TRAM1: variants seen among roughly 807,000 people sequenced by gnomAD.
TRAM1 encodes translocation associated membrane protein 1.
A neutral mutation model predicts 48.7 loss-of-function variants in TRAM1; 17 were observed. The observed-to-expected ratio is 0.35, with a 90% CI of 0.24 to 0.52. The LOEUF (loss-of-function observed/expected upper bound fraction) is 0.52, where lower values mean the gene tolerates loss of function less well. Among genes scored for constraint, TRAM1 ranks in the 20% least tolerant of loss-of-function variants. TRAM1 has a pLI of 0.94. For synonymous variants in TRAM1, 182 were observed against 154.0 expected (o/e 1.18, Z -1.34); for missense variants, 351 against 441.5 (o/e 0.79, Z 1.84).
At chr8:70,593,575 T>C (rs1817414809) in intron 6 of TRAM1, among the ~76,000 whole-genome samples, 1 of 143,948 alleles carries the variant, frequency 6.9e-6, no homozygotes, top group Admixed American at 7.0e-5. Context: ...AAATCCCACA[T>C]AGGATTTCAT....
chr8:70,581,752 C>T (rs779344905), intron 10 of TRAM1, among the ~76,000 whole-genome samples: 78 of 152,198 alleles, frequency 5.1e-4, no homozygotes, highest in Non-Finnish European at 9.1e-4. Flanking sequence ...ATATGGTATA[C>T]ATCCATCCAA....
intron 1 of TRAM1, among the ~76,000 whole-genome samples, chr8:70,603,146 G>A (rs1325823370): frequency 3.3e-5 from 5 of 152,142 alleles, no homozygotes; most frequent in Admixed American, 6.5e-5. Context: ...ACGATGACAT[G>A]AGTCTCCAGG....
chr8:70,594,462 A>G (rs1267387357), intron 6 of TRAM1, 44 bp downstream of exon 6: 2 of 1,535,706 alleles, frequency 1.3e-6, no homozygotes, highest in Non-Finnish European at 1.8e-6. Flanking sequence ...TTTCAAAAAA[A>G]AAAATGACAA....
chr8:70,579,690 T>A (rs1045896838), intron 10 of TRAM1, among the ~76,000 whole-genome samples: 5 of 152,144 alleles, frequency 3.3e-5, no homozygotes, highest in Admixed American at 1.3e-4. Flanking sequence ...GGACAAAAAC[T>A]CTTAGTAAAT....
At chr8:70,600,963 G>A (rs894303388) in intron 1 of TRAM1, among the ~76,000 whole-genome samples, 2 of 152,324 alleles carry the variant, frequency 1.3e-5, no homozygotes, top group Admixed American at 1.3e-4. Flanking sequence ...TGCACATCAG[G>A]AAGCGTTAGA....
At chr8:70,601,853 C>A (rs112242150) in intron 1 of TRAM1, among the ~76,000 whole-genome samples, 131 of 152,288 alleles carry the variant, frequency 8.6e-4, no homozygotes, top group African/African-American at 2.9e-3. Context: ...GCAGCTAAAA[C>A]CTAAGTCTAG....
chr8:70,596,144 A>G lies in TRAM1; in HGVS notation c.485+119T>C, dbSNP rs542841200. 6 of 693,720 alleles carry G rather than the reference A, an allele frequency of 8.6e-6. No individual in the cohort carries two copies. The South Asian group carries it at 2.5e-4, about 29-fold the overall frequency. 43.0% of individuals were successfully genotyped at this position (693,720 alleles called of 1,614,324 possible). ...ACGGCAGTGGGACTGTCAAAGACAT[A>G]TTTTCATCTATTTTATGCATTTGCC... On this transcript the variant is annotated intron_variant, in intron 5 of 10. Coordinates refer to ENST00000262213, the MANE Select transcript of TRAM1 (RefSeq NM_014294.6).
At position 70,587,187 on chromosome 8, in the gene TRAM1, A is replaced by G. The variant is rs766509790; in HGVS notation, c.571-11T>C. The G allele has an allele frequency of 1.2e-6, 2 of 1,610,974 alleles. No individual in the cohort carries two copies. The highest frequency in any genetic ancestry group is 1.1e-5 in the South Asian group (1 of 90,966). On this transcript the variant is annotated splice_polypyrimidine_tract_variant and intron_variant, in intron 6 of 10. Coordinates refer to ENST00000262213, the MANE Select transcript of TRAM1 (RefSeq NM_014294.6). ...ACGAGGAATATCTTCCTGTAAAAAA[A>G]TACATTATAGATTAAAACATGCTAA...
rs200441972 is a variant in TRAM1, at chr8:70,590,201, G to A, written c.571-3025C>T. 1.1e-4 allele frequency among the ~76,000 whole-genome samples: 17 copies of A among 148,042 alleles called. No homozygotes were observed. The East Asian group carries it at 3.1e-3, about 27-fold the overall frequency. On this transcript the variant is annotated intron_variant, in intron 6 of 10. Transcript: ENST00000262213. ...ATAATGTAATGTAACTACTTAGGAG[G>A]ATTTTTTTTTTTTTAATTTAAAAGA...
At chr8:70,603,041 G>A (rs765790458) in intron 1 of TRAM1, among the ~76,000 whole-genome samples, 8 of 152,042 alleles carry the variant, frequency 5.3e-5, no homozygotes, top group Non-Finnish European at 1.2e-4. Context: ...GTGAGTTGCC[G>A]AACTGGGTTA....
At chr8:70,582,364 T>C (rs1817097406) in intron 10 of TRAM1, among the ~76,000 whole-genome samples, 1 of 151,590 alleles carries the variant, frequency 6.6e-6, no homozygotes, top group Admixed American at 6.6e-5. Flanking sequence ...GCATGATCAT[T>C]GTGCACTGTA....
chr8:70,585,091 A>G (rs1409312391), intron 8 of TRAM1, among the ~76,000 whole-genome samples: 1 of 152,244 alleles, frequency 6.6e-6, no homozygotes, highest in African/African-American at 2.4e-5. Context: ...GATATAGATC[A>G]ATGGAACAGA....
At chr8:70,592,300 C>A (rs1817383352) in intron 6 of TRAM1, among the ~76,000 whole-genome samples, 1 of 152,122 alleles carries the variant, frequency 6.6e-6, no homozygotes, top group Non-Finnish European at 1.5e-5. Context: ...TAACAGCGTT[C>A]CTTTCTTTCC....
At chr8:70,595,038 G>GTTTT (rs11464494) in intron 5 of TRAM1, among the ~76,000 whole-genome samples, 23 of 146,022 alleles carry the variant, frequency 1.6e-4, no homozygotes, top group Non-Finnish European at 2.2e-4. Flanking sequence ...AATATCCTCT[G>GTTTT]TTTTTTTTTT....
intron 10 of TRAM1, among the ~76,000 whole-genome samples, chr8:70,575,472 G>A (rs1816927044): frequency 1.3e-5 from 2 of 152,052 alleles, no homozygotes; most frequent in African/African-American, 4.8e-5. Flanking sequence ...CCAAGGCTGT[G>A]TAGTGGCACG....
chr8:70,596,427 G>T, intron 4 of TRAM1, 106 bp from the exon 5 acceptor site: 2 of 732,160 alleles, frequency 2.7e-6, no homozygotes, highest in Non-Finnish European at 4.2e-6. Context: ...ATACCAGGTT[G>T]CAAAGAACCC....
intron 4 of TRAM1, among the ~76,000 whole-genome samples, chr8:70,596,881 TTTCCCAC>T (rs1817498607): frequency 6.6e-6 from 1 of 151,768 alleles, no homozygotes; most frequent in African/African-American, 2.4e-5. Flanking sequence ...GTAAGAGTAT[TTTCCCAC>T]AGAAGTATAA....
chr8:70,596,352 G>A, intron 4 of TRAM1, 31 bp from the exon 5 acceptor site: 1 of 1,522,624 alleles, frequency 6.6e-7, no homozygotes, highest in Non-Finnish European at 8.9e-7. Flanking sequence ...ATTAACCTGT[G>A]AGCATAATGC....
At chr8:70,593,535 C>T (rs577338228) in intron 6 of TRAM1, among the ~76,000 whole-genome samples, 7 of 150,914 alleles carry the variant, frequency 4.6e-5, no homozygotes, top group Admixed American at 2.6e-4. Context: ...TCCCTCTTCA[C>T]TTTCCTTCAC....
Sources: allele counts gnomAD v4.1 joint callset (sites outside exome capture counted in the v4.1 genomes callset), GRCh38; gene constraint gnomAD v4.1.1; transcripts MANE v1.5; gene names NCBI Gene and HGNC (gene_info 2026-07-23, HGNC 2026-07-21).